GRIK3: variants seen among roughly 807,000 people sequenced by gnomAD.
GRIK3 encodes the protein glutamate ionotropic receptor kainate type subunit 3, also known as glutamate receptor ionotropic, kainate 3.
A neutral mutation model predicts 102.5 loss-of-function variants in GRIK3; 29 were observed. That is an observed-to-expected ratio of 0.28 (90% CI 0.21 to 0.39). GRIK3 has a LOEUF of 0.39. GRIK3 is among the 10% of genes least tolerant of loss of function. GRIK3 has a pLI of 1.00. For synonymous variants in GRIK3, 511 were observed against 504.9 expected, an observed-to-expected ratio of 1.01 and a Z score of -0.16; for missense variants, 908 against 1,252.4, an observed-to-expected ratio of 0.73 and a Z score of 4.15.
chr1:36,986,554 G>T (rs904936054), intron 1 of GRIK3, among the ~76,000 whole-genome samples: 3 of 152,078 alleles, frequency 2.0e-5, no homozygotes, highest in Non-Finnish European at 4.4e-5. Context: ...CCAAGCCCCG[G>T]GTTCTAGGGT....
At chr1:36,983,459 G>T (rs1642271061) in intron 1 of GRIK3, among the ~76,000 whole-genome samples, 1 of 152,116 alleles carries the variant, frequency 6.6e-6, no homozygotes, top group South Asian at 2.1e-4. Context: ...ACACTCATAA[G>T]AGCTTCCTGT....
At chr1:36,990,630 A>G (rs1642354678) in intron 1 of GRIK3, among the ~76,000 whole-genome samples, 1 of 152,320 alleles carries the variant, frequency 6.6e-6, no homozygotes, top group African/African-American at 2.4e-5. Flanking sequence ...GAAGGAGAAA[A>G]ATAAAACTTA....
chr1:36,937,682 A>T (rs1380040329), intron 1 of GRIK3, among the ~76,000 whole-genome samples: 1 of 152,014 alleles, frequency 6.6e-6, no homozygotes, highest in Non-Finnish European at 1.5e-5. Context: ...AATAAGTAAG[A>T]CTCAAAAGAA....
At chr1:36,989,380 A>C (rs1355491038) in intron 1 of GRIK3, among the ~76,000 whole-genome samples, 1 of 152,096 alleles carries the variant, frequency 6.6e-6, no homozygotes, top group East Asian at 1.9e-4. Context: ...CTGGCAGAGG[A>C]GGAGGAGGAG....
At chr1:36,904,695 A>G (rs1641266964) in intron 1 of GRIK3, among the ~76,000 whole-genome samples, 1 of 152,226 alleles carries the variant, frequency 6.6e-6, no homozygotes, top group Non-Finnish European at 1.5e-5. Context: ...ATCAAAGCAT[A>G]GGATGATACG....
intron 11 of GRIK3, among the ~76,000 whole-genome samples, chr1:36,822,238 C>A (rs969087980): frequency 6.6e-6 from 1 of 152,194 alleles, no homozygotes. Context: ...AAGTGTGGCT[C>A]AATGGTGATG....
At chr1:36,843,720 G>C (rs1640488220) in intron 9 of GRIK3, among the ~76,000 whole-genome samples, 2 of 152,134 alleles carry the variant, frequency 1.3e-5, no homozygotes, top group Admixed American at 1.3e-4. Flanking sequence ...CCCCTGCCCT[G>C]TTCCTGCCTA....
chr1:36,916,421 G>A (rs187861017), intron 1 of GRIK3, among the ~76,000 whole-genome samples: 5 of 152,314 alleles, frequency 3.3e-5, no homozygotes, highest in Admixed American at 1.3e-4. Context: ...GTAATGAGGA[G>A]CCTAATGTTA....
intron 10 of GRIK3, among the ~76,000 whole-genome samples, chr1:36,839,982 G>A (rs1366393859): frequency 6.6e-6 from 1 of 152,182 alleles, no homozygotes; most frequent in East Asian, 1.9e-4. Flanking sequence ...TCCTGGAGAG[G>A]TGAAGTCATA....
At chr1:36,868,080 C>T (rs182551488) in intron 5 of GRIK3, among the ~76,000 whole-genome samples, 8 of 152,222 alleles carry the variant, frequency 5.3e-5, no homozygotes, top group Admixed American at 1.3e-4. Flanking sequence ...CTAGTGTCCC[C>T]GGGTCCAGGA....
At chr1:36,821,085 A>G (rs1289153960) in intron 11 of GRIK3, among the ~76,000 whole-genome samples, 2 of 152,206 alleles carry the variant, frequency 1.3e-5, no homozygotes, top group Admixed American at 1.3e-4. Flanking sequence ...TTAAAGTGCA[A>G]TGCCCTTTAA....
chr1:36,929,301 C>T (rs891533557), intron 1 of GRIK3, among the ~76,000 whole-genome samples: 6 of 152,084 alleles, frequency 3.9e-5, no homozygotes, highest in African/African-American at 1.4e-4. Context: ...TATACTCCAG[C>T]AGAGAGGCAT....
chr1:37,005,053 A>T (rs761404125), intron 1 of GRIK3, among the ~76,000 whole-genome samples: 1 of 152,220 alleles, frequency 6.6e-6, no homozygotes, highest in Non-Finnish European at 1.5e-5. Flanking sequence ...TTCCCTCTAA[A>T]GACAGTTTCT....
At chr1:36,955,846 A>C (rs767302492) in intron 1 of GRIK3, among the ~76,000 whole-genome samples, 1 of 152,246 alleles carries the variant, frequency 6.6e-6, no homozygotes, top group African/African-American at 2.4e-5. Context: ...CATCCCTGTC[A>C]GTAAGGATCC....
At chr1:36,921,894 G>T (rs1641477565) in intron 1 of GRIK3, among the ~76,000 whole-genome samples, 1 of 152,118 alleles carries the variant, frequency 6.6e-6, no homozygotes, top group African/African-American at 2.4e-5. Context: ...GGGTCACCTG[G>T]GGTCCAGTGG....
chr1:36,945,274 G>A (rs373596073), intron 1 of GRIK3, among the ~76,000 whole-genome samples: 1 of 152,230 alleles, frequency 6.6e-6, no homozygotes, highest in East Asian at 1.9e-4. Context: ...ACTAGTTTCT[G>A]GACAAAGCAC....
chr1:36,960,819 G>C (rs1193198645), intron 1 of GRIK3, among the ~76,000 whole-genome samples: 2 of 152,160 alleles, frequency 1.3e-5, no homozygotes, highest in African/African-American at 4.8e-5. Flanking sequence ...CCCACCCTGC[G>C]ATGACCAACC....
chr1:36,953,594 G>A (rs1166896545), intron 1 of GRIK3, among the ~76,000 whole-genome samples: 1 of 152,038 alleles, frequency 6.6e-6, no homozygotes, highest in African/African-American at 2.4e-5. Flanking sequence ...AGAGGGCTTG[G>A]GTATGCTTAG....
chr1:36,979,058 T>C (rs1642222289), intron 1 of GRIK3, among the ~76,000 whole-genome samples: 1 of 152,254 alleles, frequency 6.6e-6, no homozygotes, highest in African/African-American at 2.4e-5. Context: ...AGTTGCTACC[T>C]TACAATGTTG....
Sources: allele counts gnomAD v4.1 joint callset (sites outside exome capture counted in the v4.1 genomes callset), GRCh38; gene constraint gnomAD v4.1.1; transcripts MANE v1.5; gene names NCBI Gene and HGNC (gene_info 2026-07-23, HGNC 2026-07-21).